Variants in MYCBPAP observed in about 807,000 individuals in gnomAD.
The protein encoded by MYCBPAP is MYCBP-associated protein.
MYCBPAP carries 60 observed loss-of-function variants against 106.1 expected under a neutral mutation model. That is an observed-to-expected ratio of 0.57 (90% CI 0.46 to 0.70). The LOEUF (loss-of-function observed/expected upper bound fraction) is 0.70, where lower values mean the gene tolerates loss of function less well. Ranked by LOEUF, MYCBPAP falls within the 30% of genes least tolerant of loss-of-function variation. The pLI is 0.00. For synonymous variants in MYCBPAP, 407 were observed against 440.6 expected, an observed-to-expected ratio of 0.92 and a Z score of 0.95; for missense variants, 1,064 against 1,169.3, an observed-to-expected ratio of 0.91 and a Z score of 1.31.
intron 1 of MYCBPAP, among the ~76,000 whole-genome samples, chr17:50,513,936 T>C (rs755124244): frequency 6.6e-6 from 1 of 152,220 alleles, no homozygotes; most frequent in African/African-American, 2.4e-5. Context: ...CAGCCCTGCA[T>C]GTGTGTTTGT....
rs1399418260 is a variant in MYCBPAP at position 50,529,165 on chromosome 17, T to C, written c.2701T>C (p.Tyr901His). 3 of 1,613,150 alleles carry C rather than the reference T, an allele frequency of 1.9e-6. No homozygotes were observed. The highest frequency in any genetic ancestry group is 2.5e-6 in the Non-Finnish European group (3 of 1,180,000). Reference protein sequence around the residue: ...EPIDPLVMGKYTQSLHSEVRG... With the variant: ...EPIDPLVMGKHTQSLHSEVRG... Reference sequence around the variant, plus strand: ...CATAGACCCCCTGGTCATGGGGAAATACACCCAGAGCCTGCACAGTGAGGT... The same window carrying C: ...CATAGACCCCCTGGTCATGGGGAAACACACCCAGAGCCTGCACAGTGAGGT... Residue 901 changes from tyrosine (Y) to histidine (H), a missense_variant, in exon 18 of 19, where the codon TAC becomes CAC. Tyr to His is a moderately conservative substitution (Grantham distance 83, BLOSUM62 2). Coordinates refer to ENST00000323776, the MANE Select transcript of MYCBPAP (RefSeq NM_032133.6).
chr17:50,509,069 G>T, intron 1 of MYCBPAP: 1 of 703,034 alleles, frequency 1.4e-6, no homozygotes, highest in Non-Finnish European at 2.6e-6. Flanking sequence ...AGGATCCCCG[G>T]ACTGGATGAA....
chr17:50,526,953 G>A (rs1190883944), intron 14 of MYCBPAP, among the ~76,000 whole-genome samples: 1 of 152,210 alleles, frequency 6.6e-6, no homozygotes, highest in African/African-American at 2.4e-5. Flanking sequence ...GACCTCAGGT[G>A]ATCCGCCCGC....
intron 12 of MYCBPAP, among the ~76,000 whole-genome samples, 166 bp from the exon 13 acceptor site, chr17:50,524,711 C>CGT (rs1555621272): frequency 0.013 from 1,804 of 138,882 alleles, 35 homozygotes; most frequent in African/African-American, 0.039. Context: ...TTAGAACAGG[C>CGT]GTGTGTGTGT....
chr17:50,518,470 C>T (rs898617232), intron 4 of MYCBPAP, 71 bp from the exon 5 acceptor site: 93 of 1,387,278 alleles, frequency 6.7e-5, no homozygotes, highest in Non-Finnish European at 7.9e-5. Context: ...GTTTAGGCCT[C>T]GGGAAATGTG....
At chr17:50,512,163 C>T (rs2033878003) in intron 1 of MYCBPAP, among the ~76,000 whole-genome samples, 1 of 151,704 alleles carries the variant, frequency 6.6e-6, no homozygotes, top group South Asian at 2.1e-4. Flanking sequence ...ACGCCATTCT[C>T]CTGCCTCAGC....
chr17:50,520,051 G>A, intron 7 of MYCBPAP: 1 of 385,490 alleles, frequency 2.6e-6, no homozygotes, highest in Admixed American at 4.1e-5. Flanking sequence ...ACATGCCGCT[G>A]GTGAGCGCCT....
At chr17:50,521,248 A>T (rs1253305184) in intron 8 of MYCBPAP, 23 bp downstream of exon 8, 1 of 1,602,704 alleles carries the variant, frequency 6.2e-7, no homozygotes, top group East Asian at 2.2e-5. Flanking sequence ...TCCATGCCCC[A>T]GTCAGAAGCC....
In MYCBPAP at chr17:50,531,466, T is replaced by A; in HGVS notation, c.*38T>A. ...AGCAACCTTCTGGAAAACGGGTTAA[T>A]AAATAAATCAATAAAGAACCTTCAA... is the stretch of plus-strand genomic sequence containing the variant. On this transcript the variant is annotated 3_prime_UTR_variant, in exon 19 of 19. Coordinates refer to ENST00000323776, the MANE Select transcript of MYCBPAP (RefSeq NM_032133.6). The A allele has an allele frequency of 6.7e-7, 1 of 1,481,996 alleles. No individual in the cohort carries two copies. Among genetic ancestry groups the A allele is most frequent in the Non-Finnish European group, 9.2e-7 (1 of 1,081,396 alleles). 91.8% of individuals were successfully genotyped at this position (1,481,996 alleles called of 1,614,324 possible). A position where few individuals can be genotyped will look rare whatever the true frequency, so the allele number is the denominator to read the frequency against.
At chr17:50,508,829 C>A in intron 1 of MYCBPAP, 79 bp downstream of exon 1, 1 of 1,282,676 alleles carries the variant, frequency 7.8e-7, no homozygotes, top group African/African-American at 1.5e-5. Context: ...GACACGGGGC[C>A]TGGAGGATGG....
intron 18 of MYCBPAP, chr17:50,530,314 T>C (rs1363897357): frequency 6.6e-6 from 2 of 301,464 alleles, no homozygotes; most frequent in Non-Finnish European, 6.6e-6. Flanking sequence ...GGCAACATGG[T>C]AAGATCCCGT....
chr17:50,528,971 T>C (rs2034548926), intron 17 of MYCBPAP, 47 bp from the exon 18 acceptor site: 1 of 1,602,330 alleles, frequency 6.2e-7, no homozygotes, highest in South Asian at 1.1e-5. Context: ...ATCCTTGGCC[T>C]ACCTCTGGAG....
At chr17:50,508,989 C>G (rs1567877747) in intron 1 of MYCBPAP, 4 of 702,578 alleles carry the variant, frequency 5.7e-6, no homozygotes, top group Non-Finnish European at 1.0e-5. Context: ...AGAGGGGCCT[C>G]AGGGACCACT....
Position 50,508,566 on chromosome 17 carries a change from CACCGGTTGCTGTGGACGCAGTGGCG to C in MYCBPAP, c.-108_-84del. ...GGTGGATGCGCGCCCCCGCGCGGGG[CACCGGTTGCTGTGGACGCAGTGGCG>C]GCCGTTGGCTGGCGGGTGCGGCGCA... On this transcript the variant is annotated 5_prime_UTR_variant, in exon 1 of 19. Coordinates refer to ENST00000323776, the MANE Select transcript of MYCBPAP (RefSeq NM_032133.6). 6.5e-7 allele frequency: 1 copy of C among 1,547,538 alleles called. No individual in the cohort carries two copies. The highest frequency in any genetic ancestry group is 8.7e-7 in the Non-Finnish European group (1 of 1,146,016).
chr17:50,519,238 G>A, intron 6 of MYCBPAP, 149 bp downstream of exon 6: 1 of 622,442 alleles, frequency 1.6e-6, no homozygotes, highest in Non-Finnish European at 2.9e-6. Context: ...AGGCCCTCAA[G>A]GCCTTTACTA....
chr17:50,529,278 C>T (rs1181150541), intron 18 of MYCBPAP, 90 bp downstream of exon 18: 1 of 1,277,874 alleles, frequency 7.8e-7, no homozygotes, highest in South Asian at 1.4e-5. Context: ...CCCACTCCAT[C>T]ATGGTGGAAG....
At chr17:50,519,471 G>T in intron 6 of MYCBPAP, 169 bp from the exon 7 acceptor site, 2 of 783,134 alleles carry the variant, frequency 2.6e-6, no homozygotes, top group Non-Finnish European at 2.0e-6. Context: ...ATGACAACAG[G>T]GTGTCCAGAA....
Position 50,531,392 on chromosome 17 carries a change from A to G in MYCBPAP, c.2790A>G (p.Ile930Met), listed in dbSNP as rs751446256. 6.2e-7 allele frequency: 1 copy of G among 1,613,582 alleles called. No individual in the cohort carries two copies. Among genetic ancestry groups the G allele is most frequent in the Non-Finnish European group, 8.5e-7 (1 of 1,179,822 alleles). Reference sequence around the variant, plus strand: ...TCCTGGCTGATGAGCTCAGCCCCATAAAGAATGTCGAGGAGGCTTTGCGCC... The same window carrying G: ...TCCTGGCTGATGAGCTCAGCCCCATGAAGAATGTCGAGGAGGCTTTGCGCC... Reference protein sequence around the residue: ...LMVLADELSPIKNVEEALRLC... With the variant: ...LMVLADELSPMKNVEEALRLC... The change falls in exon 19 of 19, where the codon ATA becomes ATG. Residue 930 changes from isoleucine (I) to methionine (M), a missense_variant. Ile to Met is a conservative substitution (Grantham distance 10, BLOSUM62 1). Coordinates refer to ENST00000323776, the MANE Select transcript of MYCBPAP (RefSeq NM_032133.6).
chr17:50,529,681 A>C, intron 18 of MYCBPAP: 1 of 451,556 alleles, frequency 2.2e-6, no homozygotes, highest in South Asian at 1.6e-5. Flanking sequence ...TAGGCTTTAG[A>C]AGGTGGCTCT....
Sources: gnomAD v4.1 joint callset for allele counts (sites outside exome capture counted in the v4.1 genomes callset) on GRCh38, gnomAD v4.1.1 for gene constraint, MANE v1.5 for transcripts, NCBI Gene and HGNC (gene_info 2026-07-23, HGNC 2026-07-21) for gene names.